The following DIP2C variants were observed in gnomAD, a reference collection of about 807,000 sequenced individuals.
DIP2C encodes disco-interacting protein 2 homolog C.
Under a neutral mutation model 192.4 loss-of-function variants are expected in DIP2C, and 33 were observed. That is an observed-to-expected ratio of 0.17 (90% CI 0.13 to 0.23). DIP2C has a LOEUF of 0.23. DIP2C is among the 10% of genes least tolerant of loss of function. DIP2C has a pLI of 1.00. For synonymous variants in DIP2C, 979 were observed against 864.1 expected (o/e 1.13, Z -2.33); for missense variants, 1,537 against 2,110.1 (o/e 0.73, Z 5.32).
At chr10:515,207 A>G (rs886171275) in intron 1 of DIP2C, among the ~76,000 whole-genome samples, 11 of 152,226 alleles carry the variant, frequency 7.2e-5, no homozygotes, top group Non-Finnish European at 1.3e-4. Flanking sequence ...CTTGTCCATA[A>G]TTGTCAAAAG....
intron 2 of DIP2C, among the ~76,000 whole-genome samples, chr10:482,218 G>C (rs1488186746): frequency 6.6e-6 from 1 of 152,200 alleles, no homozygotes; most frequent in African/African-American, 2.4e-5. Flanking sequence ...GCCATCGGGA[G>C]CCCTGGTAGC....
chr10:581,961 C>T (rs1233124105), intron 1 of DIP2C, among the ~76,000 whole-genome samples: 4 of 152,116 alleles, frequency 2.6e-5, no homozygotes, highest in Non-Finnish European at 5.9e-5. Context: ...AACCGTTCCA[C>T]CTCAGGTCAG....
chr10:614,620 G>A (rs1564271726), intron 1 of DIP2C, among the ~76,000 whole-genome samples: 1 of 152,240 alleles, frequency 6.6e-6, no homozygotes, highest in Non-Finnish European at 1.5e-5. Flanking sequence ...GCCACCTACA[G>A]CTGCTGAGCC....
At chr10:286,171 G>A (rs1955112464) in intron 34 of DIP2C, 102 bp downstream of exon 34, 8 of 1,066,008 alleles carry the variant, frequency 7.5e-6, no homozygotes, top group Non-Finnish European at 1.1e-5. Flanking sequence ...TCAAACCGGT[G>A]TGTGGCAGAT....
At chr10:629,463 C>A (rs1238499988) in intron 1 of DIP2C, among the ~76,000 whole-genome samples, 1 of 152,206 alleles carries the variant, frequency 6.6e-6, no homozygotes, top group Non-Finnish European at 1.5e-5. Flanking sequence ...AGGGTTTCTG[C>A]CCCTCAGGGC....
chr10:489,699 G>A (rs1015875420), intron 1 of DIP2C, among the ~76,000 whole-genome samples: 56 of 141,598 alleles, frequency 4.0e-4, no homozygotes, highest in African/African-American at 1.0e-3. Context: ...CTAGGGACAC[G>A]GTGGCTCTGA....
intron 3 of DIP2C, among the ~76,000 whole-genome samples, chr10:469,608 C>G (rs1266737837): frequency 6.6e-6 from 1 of 152,202 alleles, no homozygotes; most frequent in Non-Finnish European, 1.5e-5. Flanking sequence ...TGAGCCACAG[C>G]ACCCAGCCCT....
At chr10:458,021 C>T (rs577332543) in intron 3 of DIP2C, among the ~76,000 whole-genome samples, 11 of 152,270 alleles carry the variant, frequency 7.2e-5, no homozygotes, top group Middle Eastern at 3.4e-3. Context: ...CCCAGCCACC[C>T]GCCCGAAAGT....
In DIP2C at chr10:465,323, G is replaced by A. The variant is rs1207413567; in HGVS notation, c.268+7116C>T. On this transcript the variant is annotated intron_variant, in intron 3 of 36. Transcript: ENST00000280886. ...CTCAATAGATGCAGAAAAAGCCTTTGACAAAATTCAACAACCCTTCATGCT... is the reference window on the plus strand; with the variant it reads ...CTCAATAGATGCAGAAAAAGCCTTTAACAAAATTCAACAACCCTTCATGCT... Among the ~76,000 whole-genome samples, 197 of 144,630 alleles carry A rather than the reference G, an allele frequency of 1.4e-3. 1 individual carries two copies. Among genetic ancestry groups the A allele is most frequent in the African/African-American group, 4.7e-3 (185 of 39,014 alleles). 94.9% of individuals were successfully genotyped at this position (144,630 alleles called of 152,430 possible).
At chr10:588,500 C>T (rs574119501) in intron 1 of DIP2C, among the ~76,000 whole-genome samples, 8 of 152,346 alleles carry the variant, frequency 5.3e-5, no homozygotes, top group African/African-American at 1.4e-4. Flanking sequence ...AAAGTTCAAC[C>T]GAATCTGAGG....
In DIP2C at chr10:276,630, ATTTT is replaced by A. The variant is rs1165971336; in HGVS notation, c.*691_*694del. ...AATTACATATTGAGGAAGTTAACTT[ATTTT>A]ATCTTTTTAGTTTAGTACAAAGATA... On this transcript the variant is annotated 3_prime_UTR_variant, in exon 37 of 37. Coordinates refer to ENST00000280886, the MANE Select transcript of DIP2C (RefSeq NM_014974.3). 9.8e-5 allele frequency: 15 copies of A among 152,738 alleles called. No individual in the cohort carries two copies. The highest frequency in any genetic ancestry group is 3.6e-4 in the African/African-American group (15 of 41,568). The allele number at this position is 152,738 out of a possible 1,614,324, so 9.5% of individuals were successfully genotyped here. A position where few individuals can be genotyped will look rare whatever the true frequency, so the allele number is the denominator to read the frequency against.
Position 408,822 on chromosome 10 carries a change from TAG to T in DIP2C, c.1149+102_1149+103del, listed in dbSNP as rs759763775. The T allele has an allele frequency of 4.5e-5, 50 of 1,109,936 alleles. No individual in the cohort carries two copies. The South Asian group carries it at 7.3e-4, about 16-fold the overall frequency. 68.8% of individuals were successfully genotyped at this position (1,109,936 alleles called of 1,614,324 possible). A position where few individuals can be genotyped will look rare whatever the true frequency, so the allele number is the denominator to read the frequency against. On this transcript the variant is annotated intron_variant, in intron 9 of 36. Coordinates refer to ENST00000280886, the MANE Select transcript of DIP2C (RefSeq NM_014974.3). ...TTAAGAATAAAAACTTGCTTTCCAATAGAAAGTGGAGGTGGCGCTGAACTCTG... is the reference window on the plus strand; with the variant it reads ...TTAAGAATAAAAACTTGCTTTCCAATAAAGTGGAGGTGGCGCTGAACTCTG...
intron 30 of DIP2C, among the ~76,000 whole-genome samples, chr10:328,111 G>A (rs557303103): frequency 3.9e-5 from 6 of 152,258 alleles, no homozygotes; most frequent in South Asian, 2.1e-4. Flanking sequence ...CTCGGCACAC[G>A]GACAACCGAC....
intron 29 of DIP2C, among the ~76,000 whole-genome samples, chr10:329,996 C>A (rs1445902241): frequency 6.6e-6 from 1 of 151,668 alleles, no homozygotes; most frequent in Non-Finnish European, 1.5e-5. Context: ...AAACCACAGA[C>A]ACTTCCTGTT....
intron 1 of DIP2C, among the ~76,000 whole-genome samples, chr10:603,060 ACAT>A (rs1852197139): frequency 6.6e-6 from 1 of 152,148 alleles, no homozygotes; most frequent in African/African-American, 2.4e-5. Context: ...CAGGAATTCC[ACAT>A]CACCACTAAT....
chr10:398,772 A>C (rs1290855272), intron 10 of DIP2C, among the ~76,000 whole-genome samples: 1 of 148,996 alleles, frequency 6.7e-6, no homozygotes, highest in Non-Finnish European at 1.5e-5. Flanking sequence ...CCTGAACAAA[A>C]GCAGCATCCA....
rs1365599406 is a variant in DIP2C at position 623,382 on chromosome 10, G to A, written c.85+66112C>T. Among the ~76,000 whole-genome samples, 5 of 150,930 alleles carry A rather than the reference G, an allele frequency of 3.3e-5. No individual in the cohort carries two copies. The East Asian group carries it at 5.9e-4, about 18-fold the overall frequency. ...GGAGGTCACGGGAATGGGCACAGGC[G>A]TCTCCCTCCAGCCGCACTTAGGTTT... On this transcript the variant is annotated intron_variant, in intron 1 of 36. Coordinates refer to ENST00000280886, the MANE Select transcript of DIP2C (RefSeq NM_014974.3).
chr10:425,974 T>C (rs1018771839), intron 4 of DIP2C, among the ~76,000 whole-genome samples: 23 of 152,242 alleles, frequency 1.5e-4, no homozygotes, highest in African/African-American at 5.3e-4. Context: ...ATGTCCCCTC[T>C]TGCCACTTTT....
chr10:279,727 T>C (rs546673757), intron 36 of DIP2C, among the ~76,000 whole-genome samples: 1 of 152,256 alleles, frequency 6.6e-6, no homozygotes, highest in South Asian at 2.1e-4. Context: ...AAAAGTCCAC[T>C]CAAAGGACAC....
Sources: allele counts gnomAD v4.1 joint callset (sites outside exome capture counted in the v4.1 genomes callset), GRCh38; gene constraint gnomAD v4.1.1; transcripts MANE v1.5; gene names NCBI Gene and HGNC (gene_info 2026-07-23, HGNC 2026-07-21).